Variants in TTC7A observed in about 807,000 individuals in gnomAD.
The protein encoded by TTC7A is tetratricopeptide repeat domain 7A.
Under a neutral mutation model 103.7 loss-of-function variants are expected in TTC7A, and 110 were observed. The observed-to-expected ratio is 1.06, with a 90% CI of 0.91 to 1.24. The LOEUF (loss-of-function observed/expected upper bound fraction) is 1.24, where lower values mean the gene tolerates loss of function less well. Ranked by LOEUF, TTC7A falls within the 50% of genes most tolerant of loss-of-function variation. TTC7A has a pLI of 0.00. For missense variants in TTC7A, 1,340 were observed against 1,116.3 expected, an observed-to-expected ratio of 1.20 and a Z score of -2.86; for synonymous variants, 521 against 467.9, an observed-to-expected ratio of 1.11 and a Z score of -1.47.
rs116186652 is a variant in TTC7A, at chr2:46,994,725, G to A, written c.1001+211G>A. Among the ~76,000 whole-genome samples, 376 of 152,262 alleles carry A rather than the reference G, an allele frequency of 2.5e-3. 1 individual carries two copies. Among genetic ancestry groups the A allele is most frequent in the African/African-American group, 8.4e-3 (347 of 41,536 alleles). Reference sequence around the variant, plus strand: ...GTGGAGATAATCCTATAAGGCACTCGGAGACCAAAGAAATCATTTAGAAGT... The same window carrying A: ...GTGGAGATAATCCTATAAGGCACTCAGAGACCAAAGAAATCATTTAGAAGT... On this transcript the variant is annotated intron_variant, in intron 7 of 19. Transcript: ENST00000319190.
chr2:47,032,456 C>A (rs6708748), intron 15 of TTC7A, among the ~76,000 whole-genome samples: 3 of 152,106 alleles, frequency 2.0e-5, no homozygotes, highest in African/African-American at 7.2e-5. Flanking sequence ...ATGCAGACAT[C>A]GCAGAGCGAC....
intron 5 of TTC7A, among the ~76,000 whole-genome samples, chr2:46,982,627 G>T (rs967909585): frequency 6.6e-6 from 1 of 152,076 alleles, no homozygotes; most frequent in African/African-American, 2.4e-5. Context: ...ATTGTTGTGG[G>T]GATCAAATTA....
intron 19 of TTC7A, among the ~76,000 whole-genome samples, chr2:47,071,822 T>G (rs1229218004): frequency 6.6e-6 from 1 of 152,208 alleles, no homozygotes; most frequent in African/African-American, 2.4e-5. Flanking sequence ...GTTTTCAGAC[T>G]TGTTTTTAGC....
chr2:47,008,979 G>A (rs532176961), intron 10 of TTC7A, among the ~76,000 whole-genome samples: 5 of 152,066 alleles, frequency 3.3e-5, no homozygotes, highest in South Asian at 2.1e-4. Flanking sequence ...TTTGGTGTAC[G>A]TGGGGGTGGG....
chr2:46,998,805 A>G (rs1373307371), intron 8 of TTC7A, among the ~76,000 whole-genome samples: 1 of 152,112 alleles, frequency 6.6e-6, no homozygotes, highest in African/African-American at 2.4e-5. Flanking sequence ...TGGGGCTGCT[A>G]CCTTGGATAT....
intron 11 of TTC7A, among the ~76,000 whole-genome samples, chr2:47,016,158 G>A (rs957459757): frequency 6.6e-6 from 1 of 152,110 alleles, no homozygotes; most frequent in South Asian, 2.1e-4. Context: ...GACCAAATTC[G>A]AAACACTGGA....
At chr2:47,043,028 C>T (rs1681931398) in intron 15 of TTC7A, among the ~76,000 whole-genome samples, 1 of 152,172 alleles carries the variant, frequency 6.6e-6, no homozygotes, top group Non-Finnish European at 1.5e-5. Context: ...CTGTGAGGGC[C>T]CCAGAATGTC....
Position 47,074,149 on chromosome 2 carries a change from C to CT in TTC7A, c.*229dup. Reference sequence around the variant, plus strand: ...ACAGTCTGACTTGAACCCTAAGTGCCTTTGGAGAGTTTTGTGGTGACCAGA... The same window carrying CT: ...ACAGTCTGACTTGAACCCTAAGTGCCTTTTGGAGAGTTTTGTGGTGACCAGA... On this transcript the variant is annotated 3_prime_UTR_variant, in exon 20 of 20. Transcript: ENST00000319190. 1.7e-6 allele frequency: 1 copy of CT among 576,380 alleles called. No individual in the cohort carries two copies. Among genetic ancestry groups the CT allele is most frequent in the Admixed American group, 3.1e-5 (1 of 32,454 alleles). 35.7% of individuals were successfully genotyped at this position (576,380 alleles called of 1,614,324 possible).
At chr2:46,916,710 C>G (rs34736777) in intron 1 of TTC7A, 6,672 of 164,264 alleles carry the variant, frequency 0.041, 192 homozygotes, top group Middle Eastern at 0.086. Context: ...TCTCGGCTCA[C>G]TGCAACCTCC....
chr2:47,024,803 T>A (rs1434567759), intron 14 of TTC7A, among the ~76,000 whole-genome samples: 1 of 152,152 alleles, frequency 6.6e-6, no homozygotes, highest in Non-Finnish European at 1.5e-5. Context: ...CCTTGGCTTC[T>A]GGGGCCCCAT....
At chr2:47,048,045 CT>C (rs1682503814) in intron 16 of TTC7A, among the ~76,000 whole-genome samples, 1 of 152,152 alleles carries the variant, frequency 6.6e-6, no homozygotes, top group Admixed American at 6.5e-5. Flanking sequence ...TCAGCCGCAC[CT>C]TCCACTGAAC....
chr2:46,945,015 C>T (rs1440032730), intron 1 of TTC7A, among the ~76,000 whole-genome samples: 1 of 152,150 alleles, frequency 6.6e-6, no homozygotes, highest in Non-Finnish European at 1.5e-5. Context: ...ATGAAAATTT[C>T]AAATATACAG....
intron 2 of TTC7A, among the ~76,000 whole-genome samples, chr2:46,931,944 G>T (rs780144783): frequency 6.6e-6 from 1 of 152,040 alleles, no homozygotes; most frequent in Non-Finnish European, 1.5e-5. Flanking sequence ...ATGTGAGGAC[G>T]GTTTAACCTT....
rs150114703 is a variant in TTC7A at position 47,006,303 on chromosome 2, G to A, written c.1203+244G>A. Among the ~76,000 whole-genome samples the A allele has an allele frequency of 2.5e-3, 379 of 152,340 alleles. 1 individual carries two copies. The highest frequency in any genetic ancestry group is 8.9e-3 in the African/African-American group (370 of 41,570). On this transcript the variant is annotated intron_variant, in intron 9 of 19. Transcript: ENST00000319190. ...AAGGCTGAGAACAGTGCCATGCACA[G>A]TAATAATAAATGTTCGCTGCTATTT...
chr2:46,950,423 A>T lies in TTC7A; in HGVS notation c.245A>T (p.His82Leu). 6.2e-7 allele frequency: 1 copy of T among 1,614,184 alleles called. No individual in the cohort carries two copies. Among genetic ancestry groups the T allele is most frequent in the Non-Finnish European group, 8.5e-7 (1 of 1,180,038 alleles). Residue 82 changes from histidine (H) to leucine (L), a missense_variant, in exon 2 of 20, where the codon CAT (histidine) becomes CTT (leucine). Physicochemically the swap from His to Leu is moderately conservative, Grantham distance 99. Coordinates refer to ENST00000319190, the MANE Select transcript of TTC7A (RefSeq NM_020458.4). ...ALLEQCLKEN[H>L]AKIKDSMPLL... ...CTGGAGCAGTGTTTGAAGGAGAACC[A>T]TGCCAAAATAAAAGACTCCATGCCT...
upstream of TTC7A, among the ~76,000 whole-genome samples, chr2:46,940,216 T>C (rs1180646662): frequency 6.6e-6 from 1 of 152,126 alleles, no homozygotes; most frequent in Non-Finnish European, 1.5e-5. The surrounding 1 kb of genome is among the most constrained non-coding windows in gnomAD (Gnocchi z 4.7). Flanking sequence ...TGGTGAAGAC[T>C]CCAGAGGGAG....
chr2:46,951,983 T>A (rs1474922532), intron 2 of TTC7A, among the ~76,000 whole-genome samples: 1 of 152,220 alleles, frequency 6.6e-6, no homozygotes, highest in Non-Finnish European at 1.5e-5. Flanking sequence ...GAGAGCAGAC[T>A]CTGAGTAATG....
At chr2:47,072,474 TTGA>T (rs1248460144) in intron 19 of TTC7A, among the ~76,000 whole-genome samples, 1 of 152,236 alleles carries the variant, frequency 6.6e-6, no homozygotes, top group Non-Finnish European at 1.5e-5. Context: ...CTCCGAGGAC[TTGA>T]TGAAACCAGG....
At chr2:47,065,248 C>G (rs547689528) in intron 19 of TTC7A, among the ~76,000 whole-genome samples, 3 of 152,310 alleles carry the variant, frequency 2.0e-5, no homozygotes, top group Admixed American at 6.5e-5. Context: ...GATCACGCCA[C>G]TGCACTCCAG....
Sources: gnomAD v4.1 joint callset for allele counts (sites outside exome capture counted in the v4.1 genomes callset) on GRCh38, gnomAD v4.1.1 for gene constraint, Gnocchi (gnomAD v3.1) non-coding constraint, MANE v1.5 for transcripts, NCBI Gene and HGNC (gene_info 2026-07-23, HGNC 2026-07-21) for gene names.